Variants in FAM216B observed in about 807,000 individuals in gnomAD.
FAM216B encodes the protein family with sequence similarity 216 member B, also known as protein FAM216B.
In FAM216B, 11 loss-of-function variants were observed where a neutral mutation model predicts 12.9. The ratio of observed to expected loss-of-function variants is 0.86; its 90% CI spans 0.54 to 1.42. FAM216B has a LOEUF of 1.42. FAM216B is among the 40% of genes most tolerant of loss of function. The pLI, the probability that FAM216B is intolerant of heterozygous loss-of-function variation, is 0.00. For missense variants in FAM216B, 167 were observed against 162.9 expected (o/e 1.02, Z -0.14); for synonymous variants, 52 against 57.2 (o/e 0.91, Z 0.41).
At position 42,789,207 on chromosome 13, in the gene FAM216B, G is replaced by C. The variant is rs1874215811; in HGVS notation, c.*417G>C. 6.5e-6 allele frequency: 1 copy of C among 153,348 alleles called. No individual in the cohort carries two copies. The highest frequency in any genetic ancestry group is 1.5e-5 in the Non-Finnish European group (1 of 68,894). The allele number at this position is 153,348 out of a possible 1,614,324, so 9.5% of individuals were successfully genotyped here. ...ACACAGGATTAACACTGATCATAGA[G>C]GGCTTACAAAATCATATCATCCCAG... is the stretch of plus-strand genomic sequence containing the variant. On this transcript the variant is annotated 3_prime_UTR_variant, in exon 4 of 4. Transcript: ENST00000313851.
intron 3 of FAM216B, among the ~76,000 whole-genome samples, chr13:42,788,375 C>T (rs567764629): frequency 6.0e-4 from 92 of 152,238 alleles, no homozygotes; most frequent in African/African-American, 2.1e-3. Flanking sequence ...AATAATCTGA[C>T]ATGTTAATCA....
intron 1 of FAM216B, among the ~76,000 whole-genome samples, chr13:42,783,779 C>A (rs1295970257): frequency 6.6e-6 from 1 of 151,928 alleles, no homozygotes; most frequent in Non-Finnish European, 1.5e-5. Flanking sequence ...ACACCTGTTC[C>A]AAACAGTTAG....
Position 42,789,002 on chromosome 13 carries a change from C to A in FAM216B, c.*212C>A. On this transcript the variant is annotated 3_prime_UTR_variant, in exon 4 of 4. Coordinates refer to ENST00000313851, the MANE Select transcript of FAM216B (RefSeq NM_001318932.2). ...GTAAGCAAGCCTTTCCACATAACAT[C>A]CGTAGAGTAAAAGGACTTTTAAAGC... The A allele has an allele frequency of 2.3e-6, 1 of 430,840 alleles. No individual in the cohort carries two copies. Among genetic ancestry groups the A allele is most frequent in the Non-Finnish European group, 4.1e-6 (1 of 241,800 alleles). 26.7% of individuals were successfully genotyped at this position (430,840 alleles called of 1,614,324 possible). A position where few individuals can be genotyped will look rare whatever the true frequency, so the allele number is the denominator to read the frequency against.
chr13:42,791,198 G>A lies in FAM216B; in HGVS notation c.*2408G>A, dbSNP rs946808959. On this transcript the variant is annotated 3_prime_UTR_variant, in exon 4 of 4. Transcript: ENST00000313851. ...GAACTAGGTTCTAAACAATTTCTGAGGTTACTGTTGAGTTTTAAATAATAC... is the reference window on the plus strand; with the variant it reads ...GAACTAGGTTCTAAACAATTTCTGAAGTTACTGTTGAGTTTTAAATAATAC... 3.9e-5 allele frequency: 6 copies of A among 152,068 alleles called. No homozygotes were observed. The highest frequency in any genetic ancestry group is 1.4e-4 in the African/African-American group (6 of 41,426). The allele number at this position is 152,068 out of a possible 1,614,324, so 9.4% of individuals were successfully genotyped here.
rs1350097657 is a variant in FAM216B at position 42,789,013 on chromosome 13, A to G, written c.*223A>G. ...TTTCCACATAACATCCGTAGAGTAA[A>G]AGGACTTTTAAAGCTTTCAAAGTAA... On this transcript the variant is annotated 3_prime_UTR_variant, in exon 4 of 4. Transcript: ENST00000313851. 2.6e-6 allele frequency: 1 copy of G among 387,626 alleles called. No homozygotes were observed. Among genetic ancestry groups the G allele is most frequent in the Non-Finnish European group, 4.7e-6 (1 of 214,958 alleles). The allele number at this position is 387,626 out of a possible 1,614,324, so 24.0% of individuals were successfully genotyped here.
intron 1 of FAM216B, among the ~76,000 whole-genome samples, chr13:42,782,600 G>C (rs1873898770): frequency 6.6e-6 from 1 of 152,194 alleles, no homozygotes; most frequent in African/African-American, 2.4e-5. Context: ...CAAAGACAAA[G>C]GAGTAAGCAG....
chr13:42,785,587 C>G (rs1874054561), intron 2 of FAM216B, among the ~76,000 whole-genome samples: 1 of 152,184 alleles, frequency 6.6e-6, no homozygotes, highest in Non-Finnish European at 1.5e-5. Flanking sequence ...AGAGATTATG[C>G]ATACAAAATA....
rs1874199430 is a variant in FAM216B at position 42,788,845 on chromosome 13, G to T, written c.*55G>T. 6.6e-7 allele frequency: 1 copy of T among 1,505,472 alleles called. No individual in the cohort carries two copies. Among genetic ancestry groups the T allele is most frequent in the Admixed American group, 2.0e-5 (1 of 50,492 alleles). The allele number at this position is 1,505,472 out of a possible 1,614,324, so 93.3% of individuals were successfully genotyped here. A position where few individuals can be genotyped will look rare whatever the true frequency, so the allele number is the denominator to read the frequency against. On this transcript the variant is annotated 3_prime_UTR_variant, in exon 4 of 4. Transcript: ENST00000313851. ...TTTGCCCATGTATCCCTGGTATCTA[G>T]TGGGTGCTTTGTGCATATTTGTTGA... is the stretch of plus-strand genomic sequence containing the variant.
chr13:42,788,756 C>T lies in FAM216B; in HGVS notation c.386C>T (p.Ala129Val). 1 of 1,613,344 alleles carries T rather than the reference C, an allele frequency of 6.2e-7. No individual in the cohort carries two copies. The highest frequency in any genetic ancestry group is 1.1e-5 in the South Asian group (1 of 90,976). ...VLPVSVVLPRAQSKRRQVLRN is the reference protein window; with the variant it reads ...VLPVSVVLPRVQSKRRQVLRN ...CCTGTATCTGTGGTTCTACCTAGGG[C>T]CCAAAGTAAAAGGCGCCAAGTGCTC... The change falls in exon 4 of 4, where the codon GCC becomes GTC. Residue 129 changes from alanine to valine, a missense_variant. By Grantham distance (64) the Ala-to-Val change is moderately conservative (BLOSUM62 0). Transcript: ENST00000313851.
At chr13:42,784,238 C>G in intron 2 of FAM216B, 72 bp downstream of exon 2, 2 of 1,033,062 alleles carry the variant, frequency 1.9e-6, no homozygotes, top group East Asian at 2.6e-5. Flanking sequence ...GGTTTGAGGA[C>G]TTTTTCTGCT....
intron 1 of FAM216B, among the ~76,000 whole-genome samples, chr13:42,783,492 C>G (rs1429817773): frequency 6.6e-6 from 1 of 151,704 alleles, no homozygotes; most frequent in Non-Finnish European, 1.5e-5. Context: ...GTTGAGCCTC[C>G]CAAATTCAAA....
At chr13:42,786,532 A>G (rs981492313) in intron 2 of FAM216B, among the ~76,000 whole-genome samples, 3 of 151,972 alleles carry the variant, frequency 2.0e-5, no homozygotes, top group African/African-American at 7.2e-5. Context: ...ATTACCTAGA[A>G]TTTTTTACTC....
rs1462492906 is a variant in FAM216B at position 42,789,417 on chromosome 13, A to G, written c.*627A>G. On this transcript the variant is annotated 3_prime_UTR_variant, in exon 4 of 4. Coordinates refer to ENST00000313851, the MANE Select transcript of FAM216B (RefSeq NM_001318932.2). ...AGCTGTAACTGGCCTTGACATGGGTAAGAGAATTCATGCACACATCTTTCC... is the reference window on the plus strand; with the variant it reads ...AGCTGTAACTGGCCTTGACATGGGTGAGAGAATTCATGCACACATCTTTCC... 6.6e-6 allele frequency: 1 copy of G among 152,294 alleles called. No individual in the cohort carries two copies. The highest frequency in any genetic ancestry group is 3.4e-3 in the Middle Eastern group (1 of 294). 9.4% of individuals were successfully genotyped at this position (152,294 alleles called of 1,614,324 possible).
At position 42,788,580 on chromosome 13, in the gene FAM216B, C is replaced by T. The variant is rs1486937467; in HGVS notation, c.221-11C>T. ...GTTGATTTTGAAGTTTCTCTCATTT[C>T]TTTCCCCTAGGCTATATTACTCAAC... On this transcript the variant is annotated splice_polypyrimidine_tract_variant and intron_variant, in intron 3 of 3. Coordinates refer to ENST00000313851, the MANE Select transcript of FAM216B (RefSeq NM_001318932.2). 1 of 1,550,254 alleles carries T rather than the reference C, an allele frequency of 6.5e-7. No individual in the cohort carries two copies. Among genetic ancestry groups the T allele is most frequent in the African/African-American group, 1.4e-5 (1 of 72,722 alleles).
At chr13:42,784,255 G>T in intron 2 of FAM216B, 89 bp downstream of exon 2, 1 of 860,548 alleles carries the variant, frequency 1.2e-6, no homozygotes, top group Non-Finnish European at 1.7e-6. Context: ...TGCTGTCTTT[G>T]TTTACCTAGC....
rs1360526673 is a variant in FAM216B at position 42,791,069 on chromosome 13, A to G, written c.*2279A>G. Reference sequence around the variant, plus strand: ...GTACACTGGAAAGAATTTGAAAACAATAATAAAGCTGACTACAAGTTGGTC... The same window carrying G: ...GTACACTGGAAAGAATTTGAAAACAGTAATAAAGCTGACTACAAGTTGGTC... On this transcript the variant is annotated 3_prime_UTR_variant, in exon 4 of 4. Transcript: ENST00000313851. 2 of 152,230 alleles carry G rather than the reference A, an allele frequency of 1.3e-5. No homozygotes were observed. The highest frequency in any genetic ancestry group is 2.9e-5 in the Non-Finnish European group (2 of 68,040). 9.4% of individuals were successfully genotyped at this position (152,230 alleles called of 1,614,324 possible).
chr13:42,781,902 G>A (rs1036904982), intron 1 of FAM216B, among the ~76,000 whole-genome samples: 31 of 152,152 alleles, frequency 2.0e-4, no homozygotes, highest in African/African-American at 7.0e-4. Context: ...TTTCCAGCTT[G>A]AAGCATATTT....
Position 42,786,770 on chromosome 13 carries a change from A to C in FAM216B, c.107A>C (p.Asn36Thr). The change falls in exon 3 of 4, where the codon AAC becomes ACC. Residue 36 changes from asparagine (N) to threonine (T), a missense_variant. Asn to Thr is a moderately conservative substitution (Grantham distance 65). Coordinates refer to ENST00000313851, the MANE Select transcript of FAM216B (RefSeq NM_001318932.2). ...CCTGTTCTGTTCCAACAGGCCCTCA[A>C]CCAAGGGCAACAGCGCTACTTTTAC... ...IYDTSLLKAL[N>T]QGQQRYFYSI... 6.2e-7 allele frequency: 1 copy of C among 1,613,950 alleles called. No individual in the cohort carries two copies. Among genetic ancestry groups the C allele is most frequent in the Middle Eastern group, 1.6e-4 (1 of 6,062 alleles).
In FAM216B at chr13:42,788,633, T is replaced by G. The variant is rs201576642; in HGVS notation, c.263T>G (p.Leu88Arg). 1.5e-4 allele frequency: 238 copies of G among 1,613,948 alleles called. 1 individual carries two copies. In the East Asian group the frequency reaches 4.3e-3, roughly 29 times the overall value. The change falls in exon 4 of 4, where the codon CTT (leucine) becomes CGT (arginine). Residue 88 changes from leucine to arginine, a missense_variant. Physicochemically the swap from Leu to Arg is moderately radical, Grantham distance 102 (BLOSUM62 -2). Transcript: ENST00000313851. ...QREALSYALV[L>R]RDSTKRASAK... ...GAAGCCTTGTCTTATGCTCTTGTAC[T>G]TAGAGATTCAACCAAGAGAGCCTCA...
Sources: gnomAD v4.1 joint callset for allele counts (sites outside exome capture counted in the v4.1 genomes callset) on GRCh38, gnomAD v4.1.1 for gene constraint, MANE v1.5 for transcripts, NCBI Gene and HGNC (gene_info 2026-07-23, HGNC 2026-07-21) for gene names.